The following NCKAP5 variants were observed in gnomAD, a reference collection of about 807,000 sequenced individuals.
NCKAP5 encodes the protein nck-associated protein 5.
In NCKAP5, 92 loss-of-function variants were observed where a neutral mutation model predicts 167.0. That is an observed-to-expected ratio of 0.55 (90% CI 0.47 to 0.66). NCKAP5 has a LOEUF of 0.66. NCKAP5 is among the 30% of genes least tolerant of loss of function. The pLI is 0.00. For missense variants in NCKAP5, 2,378 were observed against 2,315.0 expected (o/e 1.03, Z -0.56); for synonymous variants, 891 against 877.4 (o/e 1.02, Z -0.27).
At chr2:133,563,393 AC>A (rs1206369188) in intron 1 of NCKAP5, among the ~76,000 whole-genome samples, 1 of 151,882 alleles carries the variant, frequency 6.6e-6, no homozygotes. Flanking sequence ...ACATGGTGAA[AC>A]CCTGTCTCTA....
intron 3 of NCKAP5, among the ~76,000 whole-genome samples, chr2:133,411,346 A>G (rs756989664): frequency 2.0e-5 from 3 of 152,150 alleles, no homozygotes; most frequent in Non-Finnish European, 2.9e-5. Flanking sequence ...TATTTTTGGC[A>G]TAAGTATCGG....
chr2:133,256,083 A>G (rs2088601657), intron 4 of NCKAP5, among the ~76,000 whole-genome samples: 1 of 152,212 alleles, frequency 6.6e-6, no homozygotes, highest in Non-Finnish European at 1.5e-5. Flanking sequence ...TTGATGAAAT[A>G]ATTGGAAATT....
chr2:132,717,631 GTTA>G (rs1689492326), intron 19 of NCKAP5, among the ~76,000 whole-genome samples: 1 of 152,222 alleles, frequency 6.6e-6, no homozygotes, highest in African/African-American at 2.4e-5. Flanking sequence ...AACTAGAGCT[GTTA>G]TCCCTCAGCG....
chr2:133,165,434 C>T (rs943661086), intron 5 of NCKAP5, among the ~76,000 whole-genome samples: 4 of 152,238 alleles, frequency 2.6e-5, no homozygotes, highest in African/African-American at 9.6e-5. Context: ...TTTATAGAAG[C>T]AATCCAAATT....
chr2:133,184,236 GTTAA>G (rs2084851003), intron 5 of NCKAP5, among the ~76,000 whole-genome samples: 1 of 152,078 alleles, frequency 6.6e-6, no homozygotes, highest in Non-Finnish European at 1.5e-5. Flanking sequence ...CTGTTCCTGT[GTTAA>G]TTAGTTTATG....
chr2:133,299,451 A>G (rs1680201940), intron 4 of NCKAP5, among the ~76,000 whole-genome samples: 1 of 152,130 alleles, frequency 6.6e-6, no homozygotes, highest in South Asian at 2.1e-4. Context: ...CAAGGAGATG[A>G]AAAGAAATAA....
At chr2:133,356,844 A>G (rs1184755167) in intron 3 of NCKAP5, among the ~76,000 whole-genome samples, 2 of 152,218 alleles carry the variant, frequency 1.3e-5, no homozygotes, top group African/African-American at 4.8e-5. Flanking sequence ...TACTTGCATT[A>G]TATAGAGGAG....
chr2:133,479,072 A>G (rs549498675), intron 3 of NCKAP5, among the ~76,000 whole-genome samples: 6 of 152,328 alleles, frequency 3.9e-5, no homozygotes, highest in African/African-American at 1.4e-4. Flanking sequence ...GATATGCCCC[A>G]TGTGTCACAA....
At chr2:133,661,428 T>C in the NCKAP5 span, among the ~76,000 whole-genome samples, 3 of 152,274 alleles carry the variant, frequency 2.0e-5, no homozygotes, top group Admixed American at 6.5e-5. Context: ...AATGGAGAGA[T>C]TTTGCCTAAA....
chr2:132,907,603 A>ATAATCAAGG (rs11280545), intron 8 of NCKAP5, among the ~76,000 whole-genome samples: 48,316 of 151,926 alleles, frequency 0.32, 9,591 homozygotes, highest in African/African-American at 0.52. Flanking sequence ...GGCTCTTACC[A>ATAATCAAGG]CTCAAAGACA....
intron 3 of NCKAP5, among the ~76,000 whole-genome samples, chr2:133,424,290 G>A (rs73957093): frequency 6.6e-6 from 1 of 152,160 alleles, no homozygotes; most frequent in Non-Finnish European, 1.5e-5. Flanking sequence ...AGGCCTCAGA[G>A]GTTTCCCAAT....
At chr2:132,837,599 CT>C (rs1375122569) in intron 11 of NCKAP5, among the ~76,000 whole-genome samples, 3 of 151,452 alleles carry the variant, frequency 2.0e-5, no homozygotes, top group Non-Finnish European at 4.4e-5. Flanking sequence ...CAATTTTCTT[CT>C]GTTCACTGAG....
chr2:133,403,146 G>T (rs1243429174), intron 3 of NCKAP5, among the ~76,000 whole-genome samples: 1 of 152,130 alleles, frequency 6.6e-6, no homozygotes, highest in Non-Finnish European at 1.5e-5. Context: ...AGCAAAGAAA[G>T]TTCTAGGGTA....
chr2:133,537,298 T>C (rs962131995), intron 2 of NCKAP5, among the ~76,000 whole-genome samples: 2 of 152,066 alleles, frequency 1.3e-5, no homozygotes, highest in African/African-American at 2.4e-5. Context: ...CATTTCCATA[T>C]GGAAATTCAT....
chr2:133,582,614 CTCA>C, the NCKAP5 span, among the ~76,000 whole-genome samples: 1 of 152,202 alleles, frequency 6.6e-6, no homozygotes, highest in African/African-American at 2.4e-5. Flanking sequence ...AATGCATCAA[CTCA>C]TCATGAATTC....
intron 7 of NCKAP5, among the ~76,000 whole-genome samples, chr2:132,985,068 C>T (rs2077251369): frequency 1.3e-5 from 2 of 151,800 alleles, no homozygotes; most frequent in Non-Finnish European, 2.9e-5. Context: ...CGGGTACATA[C>T]ATTGGCAATA....
the NCKAP5 span, among the ~76,000 whole-genome samples, chr2:133,647,418 A>AG: frequency 2.8e-3 from 340 of 122,016 alleles, 27 homozygotes; most frequent in African/African-American, 0.013. Flanking sequence ...GAAGGAAGGA[A>AG]GAGAAAGAAA....
At chr2:133,059,017 C>A (rs2079898386) in intron 6 of NCKAP5, among the ~76,000 whole-genome samples, 1 of 152,178 alleles carries the variant, frequency 6.6e-6, no homozygotes, top group Non-Finnish European at 1.5e-5. Flanking sequence ...TTCTGATATG[C>A]AGCCAGGGGT....
chr2:133,175,616 C>A (rs1031163344), intron 5 of NCKAP5, among the ~76,000 whole-genome samples: 19 of 152,104 alleles, frequency 1.2e-4, no homozygotes, highest in Admixed American at 1.2e-3. Context: ...CCTACTTAGA[C>A]CAAGGCTAAC....
Sources: gnomAD v4.1 joint callset for allele counts (sites outside exome capture counted in the v4.1 genomes callset) on GRCh38, gnomAD v4.1.1 for gene constraint, MANE v1.5 for transcripts, NCBI Gene and HGNC (gene_info 2026-07-23, HGNC 2026-07-21) for gene names.